HBS1L: variants seen among roughly 807,000 people sequenced by gnomAD.
HBS1L encodes the protein HBS1 like translational GTPase.
In HBS1L, 55 loss-of-function variants were observed where a neutral mutation model predicts 88.9. That is an observed-to-expected ratio of 0.62 (90% CI 0.50 to 0.77). HBS1L has a LOEUF of 0.77. Among genes scored for constraint, HBS1L ranks in the 30% least tolerant of loss-of-function variants. HBS1L has a pLI of 0.00. For missense variants in HBS1L, 741 were observed against 829.3 expected, an observed-to-expected ratio of 0.89 and a Z score of 1.31; for synonymous variants, 267 against 288.5, an observed-to-expected ratio of 0.93 and a Z score of 0.76.
intron 5 of HBS1L, among the ~76,000 whole-genome samples, chr6:134,998,936 T>A (rs928520740): frequency 2.6e-5 from 4 of 152,206 alleles, no homozygotes; most frequent in African/African-American, 9.6e-5. Flanking sequence ...AATGTTCCCA[T>A]ACTTTTAAAG....
Position 135,054,699 on chromosome 6 carries a change from G to A in HBS1L, c.-8C>T, listed in dbSNP as rs770572699. ...ATTCCGATGCCGGGCCATGACGGCG[G>A]AGAGGGCGTTTGCCACAGCCCCTTA... is the stretch of plus-strand genomic sequence containing the variant. On this transcript the variant is annotated 5_prime_UTR_variant, in exon 1 of 18. Transcript: ENST00000367837. The A allele has an allele frequency of 6.2e-7, 1 of 1,614,242 alleles. No individual in the cohort carries two copies. Among genetic ancestry groups the A allele is most frequent in the Non-Finnish European group, 8.5e-7 (1 of 1,180,046 alleles).
intron 15 of HBS1L, among the ~76,000 whole-genome samples, chr6:134,976,738 C>T (rs1042865194): frequency 6.6e-5 from 10 of 151,902 alleles, no homozygotes; most frequent in African/African-American, 2.4e-4. Context: ...ATAGGGGACA[C>T]TGGAGACTCA....
At chr6:135,000,759 C>T (rs565957640) in intron 5 of HBS1L, among the ~76,000 whole-genome samples, 1 of 152,214 alleles carries the variant, frequency 6.6e-6, no homozygotes, top group South Asian at 2.1e-4. Flanking sequence ...CCACCTCAGC[C>T]TTCCAATGTG....
Position 134,965,203 on chromosome 6 carries a change from G to T in HBS1L, c.*76C>A. 3 of 1,161,038 alleles carry T rather than the reference G, an allele frequency of 2.6e-6. No homozygotes were observed. The highest frequency in any genetic ancestry group is 3.9e-6 in the Non-Finnish European group (3 of 772,298). The allele number at this position is 1,161,038 out of a possible 1,614,324, so 71.9% of individuals were successfully genotyped here. The stretch of plus-strand genomic sequence containing the variant: ...CATATCAATTGCACATTGTTCCTTT[G>T]ACTTAATAACTGCATTCTTGAAACA... On this transcript the variant is annotated 3_prime_UTR_variant, in exon 18 of 18. Transcript: ENST00000367837.
intron 8 of HBS1L, among the ~76,000 whole-genome samples, chr6:134,990,701 C>A (rs540846434): frequency 6.6e-6 from 1 of 152,276 alleles, no homozygotes; most frequent in Non-Finnish European, 1.5e-5. Context: ...CAGGCACCTG[C>A]CACCACACTC....
chr6:134,997,103 A>G (rs1291009446), intron 6 of HBS1L, among the ~76,000 whole-genome samples, 161 bp from the exon 7 acceptor site: 1 of 152,188 alleles, frequency 6.6e-6, no homozygotes, highest in Admixed American at 6.5e-5. Flanking sequence ...AAAAAAGAGC[A>G]TATCTCTTTA....
chr6:134,981,098 T>C (rs1446887510), intron 13 of HBS1L, among the ~76,000 whole-genome samples: 1 of 151,912 alleles, frequency 6.6e-6, no homozygotes, highest in East Asian at 1.9e-4. Flanking sequence ...CAGAGATGAC[T>C]AAGGATTTTA....
chr6:135,047,679 T>G (rs555587557), intron 2 of HBS1L, among the ~76,000 whole-genome samples: 1 of 152,348 alleles, frequency 6.6e-6, no homozygotes, highest in African/African-American at 2.4e-5. Flanking sequence ...CGAGTCTACT[T>G]ACATCCACCC....
chr6:135,026,594 T>C (rs1776232874), intron 4 of HBS1L, among the ~76,000 whole-genome samples: 1 of 151,830 alleles, frequency 6.6e-6, no homozygotes, highest in African/African-American at 2.4e-5. Flanking sequence ...TATATACAAG[T>C]ACAGGAGATA....
intron 4 of HBS1L, among the ~76,000 whole-genome samples, chr6:135,031,331 A>G (rs1308328459): frequency 2.6e-5 from 4 of 152,138 alleles, no homozygotes; most frequent in Non-Finnish European, 5.9e-5. Flanking sequence ...TATTTCTTGT[A>G]GGAGCAATGG....
intron 4 of HBS1L, among the ~76,000 whole-genome samples, chr6:135,010,251 T>A (rs1406369366): frequency 3.3e-5 from 5 of 152,130 alleles, no homozygotes; most frequent in Non-Finnish European, 7.4e-5. Context: ...CTTGACCTAG[T>A]CATCGGATAT....
At position 135,014,593 on chromosome 6, in the gene HBS1L, T is replaced by C. The variant is rs369149946; in HGVS notation, c.431-11751A>G. On this transcript the variant is annotated intron_variant, in intron 4 of 17. Coordinates refer to ENST00000367837, the MANE Select transcript of HBS1L (RefSeq NM_006620.4). ...AAGAAGGAACAGACATGAGAGTCAA[T>C]ACATTAATAGAACATGGAGATTAAT... Among the ~76,000 whole-genome samples the C allele has an allele frequency of 2.1e-3, 323 of 152,276 alleles. 2 individuals are homozygous for C. The highest frequency in any genetic ancestry group is 7.0e-3 in the African/African-American group (292 of 41,546).
intron 4 of HBS1L, chr6:135,037,275 T>C: frequency 6.4e-7 from 1 of 1,552,020 alleles, no homozygotes; most frequent in Non-Finnish European, 8.7e-7. Flanking sequence ...AAAGGTCAGA[T>C]AAAGTAAAGC....
intron 4 of HBS1L, among the ~76,000 whole-genome samples, chr6:135,038,315 G>A (rs1278550445): frequency 1.3e-5 from 2 of 151,928 alleles, no homozygotes; most frequent in African/African-American, 4.8e-5. Flanking sequence ...AAAAATGTGA[G>A]GTCTTAACCA....
intron 4 of HBS1L, among the ~76,000 whole-genome samples, chr6:135,031,920 T>A (rs1246887424): frequency 6.6e-6 from 1 of 151,162 alleles, no homozygotes; most frequent in East Asian, 1.9e-4. Context: ...TCCCCCTGCC[T>A]CAGCCTCCCA....
chr6:135,019,909 C>T (rs1411894908), intron 4 of HBS1L, among the ~76,000 whole-genome samples: 2 of 151,640 alleles, frequency 1.3e-5, no homozygotes, highest in Non-Finnish European at 1.5e-5. Flanking sequence ...TTAGGGACTG[C>T]TATGTAGATG....
At chr6:135,041,118 C>A (rs1363547334) in intron 3 of HBS1L, among the ~76,000 whole-genome samples, 1 of 150,494 alleles carries the variant, frequency 6.6e-6, no homozygotes, top group Non-Finnish European at 1.5e-5. Flanking sequence ...ATATGCTGAA[C>A]AAGTAATCTA....
At chr6:135,020,587 T>C (rs557572248) in intron 4 of HBS1L, among the ~76,000 whole-genome samples, 79 of 152,134 alleles carry the variant, frequency 5.2e-4, no homozygotes, top group Non-Finnish European at 9.4e-4. Flanking sequence ...AGTATAATTA[T>C]CCTTTATGAA....
In HBS1L at chr6:135,022,164, C is replaced by T. The variant is rs144508756; in HGVS notation, c.430+17409G>A. The stretch of plus-strand genomic sequence containing the variant: ...GCTGGCTAAGCTGAATTTTATTTGT[C>T]CTCTCCCTTCATTCTATTCTTTGGC... On this transcript the variant is annotated intron_variant, in intron 4 of 17. Transcript: ENST00000367837. Among the ~76,000 whole-genome samples the T allele has an allele frequency of 4.8e-3, 724 of 152,174 alleles. 3 individuals carry two copies. Among genetic ancestry groups the T allele is most frequent in the African/African-American group, 0.016 (683 of 41,510 alleles).
Sources: gnomAD v4.1 joint callset for allele counts (sites outside exome capture counted in the v4.1 genomes callset) on GRCh38, gnomAD v4.1.1 for gene constraint, MANE v1.5 for transcripts, NCBI Gene and HGNC (gene_info 2026-07-23, HGNC 2026-07-21) for gene names.